PRKCB: variants seen among roughly 807,000 people sequenced by gnomAD.
PRKCB encodes the protein protein kinase C beta.
In PRKCB, 13 loss-of-function variants were observed where a neutral mutation model predicts 81.5. The ratio of observed to expected loss-of-function variants is 0.16; its 90% CI spans 0.10 to 0.25. The LOEUF (loss-of-function observed/expected upper bound fraction) is 0.25. PRKCB is among the 10% of genes least tolerant of loss of function. PRKCB has a pLI of 1.00. For synonymous variants in PRKCB, 335 were observed against 321.4 expected, an observed-to-expected ratio of 1.04 and a Z score of -0.45; for missense variants, 509 against 875.7, an observed-to-expected ratio of 0.58 and a Z score of 5.29.
chr16:23,844,030 G>A (rs1299989947), intron 2 of PRKCB, among the ~76,000 whole-genome samples: 7 of 151,966 alleles, frequency 4.6e-5, no homozygotes, highest in Non-Finnish European at 1.0e-4. Context: ...TTCACAATAC[G>A]CATCTTCTTT....
At chr16:23,938,938 G>A (rs1421675132) in intron 2 of PRKCB, among the ~76,000 whole-genome samples, 2 of 152,108 alleles carry the variant, frequency 1.3e-5, no homozygotes, top group African/African-American at 2.4e-5. Flanking sequence ...ATTTGCAAAC[G>A]ACATGCGTAT....
At chr16:23,881,198 G>A (rs1963100729) in intron 2 of PRKCB, among the ~76,000 whole-genome samples, 1 of 151,588 alleles carries the variant, frequency 6.6e-6, no homozygotes, top group South Asian at 2.1e-4. Context: ...GAAAGACAAA[G>A]AATGGGCAGA....
intron 9 of PRKCB, among the ~76,000 whole-genome samples, chr16:24,124,605 A>G (rs1966839452): frequency 6.6e-6 from 1 of 152,184 alleles, no homozygotes; most frequent in East Asian, 1.9e-4. Context: ...GTGTTTCTGG[A>G]CGCTTTTATA....
At chr16:23,968,578 C>G (rs1007729710) in intron 2 of PRKCB, among the ~76,000 whole-genome samples, 6 of 152,176 alleles carry the variant, frequency 3.9e-5, no homozygotes, top group Admixed American at 2.6e-4. Context: ...CTCCCATTGC[C>G]TGTTGGCCTC....
chr16:24,061,250 G>C (rs1293986283), intron 5 of PRKCB, among the ~76,000 whole-genome samples: 1 of 152,016 alleles, frequency 6.6e-6, no homozygotes, highest in African/African-American at 2.4e-5. Flanking sequence ...TAGTAGAGAC[G>C]GGGTTTTGCC....
chr16:23,968,963 A>AG (rs1462681703), intron 2 of PRKCB, among the ~76,000 whole-genome samples: 1 of 152,162 alleles, frequency 6.6e-6, no homozygotes, highest in African/African-American at 2.4e-5. Context: ...TGAAGCCAGG[A>AG]GTTCGAGACC....
chr16:23,889,134 C>G (rs1963250473), intron 2 of PRKCB, among the ~76,000 whole-genome samples: 1 of 137,034 alleles, frequency 7.3e-6, no homozygotes, highest in Admixed American at 7.1e-5. Context: ...ATCCATCCAT[C>G]CATCCATCCA....
rs546806717 is a variant in PRKCB, at chr16:24,006,815, G to C, written c.288+18225G>C. On this transcript the variant is annotated intron_variant, in intron 3 of 16. Transcript: ENST00000643927. ...TAGGATGGCTTTTCAAAGGAGAATC[G>C]AAGTACTGATACGGGGAGCAGGGGG... 2.0e-5 allele frequency among the ~76,000 whole-genome samples: 3 copies of C among 148,474 alleles called. 1 individual carries two copies. In the South Asian group the frequency reaches 6.4e-4, roughly 32 times the overall value.
At chr16:23,901,035 G>A (rs1287614921) in intron 2 of PRKCB, among the ~76,000 whole-genome samples, 1 of 151,958 alleles carries the variant, frequency 6.6e-6, no homozygotes, top group Non-Finnish European at 1.5e-5. Flanking sequence ...TGGGGATCCT[G>A]AGCTGATAGG....
At chr16:24,113,176 C>T in intron 8 of PRKCB, 107 bp downstream of exon 8, 1 of 756,514 alleles carries the variant, frequency 1.3e-6, no homozygotes, top group Non-Finnish European at 2.0e-6. Context: ...TCTTTTTTCT[C>T]TCCTTCCTTA....
intron 5 of PRKCB, among the ~76,000 whole-genome samples, chr16:24,050,583 C>T (rs867735166): frequency 7.9e-5 from 12 of 152,150 alleles, no homozygotes; most frequent in African/African-American, 2.9e-4. Flanking sequence ...TAATGCTTAC[C>T]TCTACTTATG....
chr16:24,184,266 G>A (rs1454289676), intron 13 of PRKCB, among the ~76,000 whole-genome samples: 1 of 151,982 alleles, frequency 6.6e-6, no homozygotes, highest in Non-Finnish European at 1.5e-5. Context: ...GATCAGTCTG[G>A]GCAATATAGA....
At chr16:24,154,942 G>A in intron 10 of PRKCB, 85 bp downstream of exon 10, 1 of 1,436,154 alleles carries the variant, frequency 7.0e-7, no homozygotes, top group Non-Finnish European at 9.5e-7. Flanking sequence ...ACCCAGCACA[G>A]AGATACCTGC....
At chr16:23,963,028 G>T (rs1413035452) in intron 2 of PRKCB, 1 of 152,154 alleles carries the variant, frequency 6.6e-6, no homozygotes, top group Non-Finnish European at 1.5e-5. Context: ...ACTTCCCTTA[G>T]AACAATGGCC....
rs1968216837 is a variant in PRKCB at position 24,215,669 on chromosome 16, G to T, written c.*853G>T. 4.1e-6 allele frequency: 4 copies of T among 985,120 alleles called. No individual in the cohort carries two copies. The highest frequency in any genetic ancestry group is 4.8e-6 in the Non-Finnish European group (4 of 829,360). 61.0% of individuals were successfully genotyped at this position (985,120 alleles called of 1,614,324 possible). On this transcript the variant is annotated 3_prime_UTR_variant, in exon 17 of 17. Coordinates refer to ENST00000643927, the MANE Select transcript of PRKCB (RefSeq NM_002738.7). The stretch of plus-strand genomic sequence containing the variant: ...AAAAGAAAAAAAAAGAAAAAAAAAG[G>T]TGACTCACATTGTTACACATGCTTT...
chr16:23,928,067 A>G (rs998167212), intron 2 of PRKCB, among the ~76,000 whole-genome samples: 5 of 151,854 alleles, frequency 3.3e-5, no homozygotes, highest in Middle Eastern at 6.8e-3. Context: ...CTTTGGAAAT[A>G]CTCTTGAAAT....
intron 5 of PRKCB, among the ~76,000 whole-genome samples, chr16:24,075,943 T>C (rs1038778882): frequency 3.3e-5 from 5 of 152,204 alleles, no homozygotes; most frequent in Admixed American, 2.6e-4. Context: ...CATTTCTTTT[T>C]TTTTGTTTGT....
chr16:24,098,179 A>G (rs1300044772), intron 7 of PRKCB: 1 of 152,252 alleles, frequency 6.6e-6, no homozygotes, highest in Non-Finnish European at 1.5e-5. Context: ...ACCCCAAAAG[A>G]GTTGTGTTAA....
At chr16:24,179,372 C>A (rs1967583916) in intron 12 of PRKCB, among the ~76,000 whole-genome samples, 1 of 152,178 alleles carries the variant, frequency 6.6e-6, no homozygotes, top group Non-Finnish European at 1.5e-5. Context: ...CTAGAATAGA[C>A]AGAACCACAG....
Sources: allele counts gnomAD v4.1 joint callset (sites outside exome capture counted in the v4.1 genomes callset), GRCh38; gene constraint gnomAD v4.1.1; transcripts MANE v1.5; gene names NCBI Gene and HGNC (gene_info 2026-07-23, HGNC 2026-07-21).